CD226: variants seen among roughly 807,000 people sequenced by gnomAD.
CD226 encodes the protein CD226 antigen.
CD226 carries 24 observed loss-of-function variants against 34.9 expected under a neutral mutation model. That is an observed-to-expected ratio of 0.69 (90% CI 0.50 to 0.97). CD226 has a LOEUF of 0.97. Among genes scored for constraint, CD226 ranks in the 50% least tolerant of loss-of-function variants. CD226 has a pLI of 0.00. For synonymous variants in CD226, 148 were observed against 147.4 expected, an observed-to-expected ratio of 1.00 and a Z score of -0.03; for missense variants, 397 against 412.7, an observed-to-expected ratio of 0.96 and a Z score of 0.33.
At chr18:69,897,131 A>G (rs1325419747) in intron 2 of CD226, among the ~76,000 whole-genome samples, 3 of 152,302 alleles carry the variant, frequency 2.0e-5, no homozygotes, top group Admixed American at 1.3e-4. Context: ...TATACAGTAG[A>G]TATTTCCAGA....
intron 2 of CD226, among the ~76,000 whole-genome samples, chr18:69,940,940 C>G (rs1221868573): frequency 6.6e-6 from 1 of 152,162 alleles, no homozygotes. Flanking sequence ...AGCCTAAGAC[C>G]CCCTGCTCTA....
rs886616774 is a variant in CD226 at position 69,859,980 on chromosome 18, G to C, written c.*4334C>G. The C allele has an allele frequency of 1.3e-5, 2 of 152,226 alleles. No individual in the cohort carries two copies. The highest frequency in any genetic ancestry group is 4.8e-5 in the African/African-American group (2 of 41,448). 9.4% of individuals were successfully genotyped at this position (152,226 alleles called of 1,614,324 possible). A position where few individuals can be genotyped will look rare whatever the true frequency, so the allele number is the denominator to read the frequency against. ...CCAGCTATTCAGGAGGCTGAGGCAG[G>C]AGAATCACTTGAATCCGGGAGGCAG... On this transcript the variant is annotated 3_prime_UTR_variant, in exon 6 of 6. Coordinates refer to ENST00000582621, the MANE Select transcript of CD226 (RefSeq NM_001303618.2).
At chr18:69,906,326 A>G (rs1438638590) in intron 2 of CD226, among the ~76,000 whole-genome samples, 1 of 152,272 alleles carries the variant, frequency 6.6e-6, no homozygotes, top group East Asian at 1.9e-4. Flanking sequence ...GTTTTAAAAC[A>G]CACTGCTCAG....
In CD226 at chr18:69,946,851, TG is replaced by T; in HGVS notation, c.264del (p.Asn89IlefsTer3). 1 of 1,614,184 alleles carries T rather than the reference TG, an allele frequency of 6.2e-7. No individual in the cohort carries two copies. The highest frequency in any genetic ancestry group is 2.2e-5 in the East Asian group (1 of 44,888). On this transcript the variant is annotated frameshift_variant, in exon 2 of 6. Transcript: ENST00000582621. LOFTEE classifies it high-confidence loss of function. ...RVYFLNSTMA[S>X]NNMTLFFRNA... is the part of the protein sequence containing the mutation. ...TTCCGAAAGAAAAGAGTCATGTTAT[TG>T]GAAGCCATCGTTGAATTCAAAAAGT...
At chr18:69,886,705 CAA>C (rs34119278) in intron 3 of CD226, among the ~76,000 whole-genome samples, 1 of 142,488 alleles carries the variant, frequency 7.0e-6, no homozygotes. Flanking sequence ...GAACCTGTCT[CAA>C]AAAAAAAATA....
At chr18:69,893,145 T>C (rs781404958) in intron 3 of CD226, among the ~76,000 whole-genome samples, 10 of 152,232 alleles carry the variant, frequency 6.6e-5, no homozygotes, top group Non-Finnish European at 1.0e-4. Flanking sequence ...ATGGCTGTCA[T>C]CTTCTGTCAA....
chr18:69,928,552 T>C (rs970030015), intron 2 of CD226, among the ~76,000 whole-genome samples: 21 of 152,216 alleles, frequency 1.4e-4, no homozygotes, highest in African/African-American at 5.1e-4. Context: ...CAATGTTTCC[T>C]TAGCTGAAGA....
At chr18:69,871,013 C>T (rs1034978206) in intron 4 of CD226, among the ~76,000 whole-genome samples, 1 of 152,200 alleles carries the variant, frequency 6.6e-6, no homozygotes, top group Admixed American at 6.5e-5. Context: ...TCACATTTAA[C>T]CAAGTGGGAC....
At chr18:69,895,601 G>A (rs530121554) in intron 3 of CD226, 100 bp downstream of exon 3, 31 of 831,542 alleles carry the variant, frequency 3.7e-5, no homozygotes, top group Middle Eastern at 3.2e-4. Context: ...CTGAATATGC[G>A]CATTAAATGA....
intron 4 of CD226, among the ~76,000 whole-genome samples, chr18:69,869,790 CTTTTT>C (rs1322414203): frequency 2.2e-4 from 32 of 142,782 alleles, no homozygotes; most frequent in Non-Finnish European, 4.0e-4. Flanking sequence ...GAGAGATTTT[CTTTTT>C]TTTCTTTTTT....
chr18:69,895,419 CAT>C (rs1465783105), intron 3 of CD226, among the ~76,000 whole-genome samples: 2 of 152,042 alleles, frequency 1.3e-5, no homozygotes, highest in East Asian at 1.9e-4. Context: ...CTGGTAATAC[CAT>C]ATGTTTTTCA....
intron 2 of CD226, among the ~76,000 whole-genome samples, chr18:69,929,314 A>G (rs2055561652): frequency 6.6e-6 from 1 of 151,456 alleles, no homozygotes. Flanking sequence ...CCCTGGATCT[A>G]GTAACATCCC....
chr18:69,858,021 A>T lies in CD226; in HGVS notation c.*6293T>A, dbSNP rs1414312051. Reference sequence around the variant, plus strand: ...AAAATCAATAGATTTGAATAAAGTTAAAGTCTAGAAAAATATGCAATGTAT... The same window carrying T: ...AAAATCAATAGATTTGAATAAAGTTTAAGTCTAGAAAAATATGCAATGTAT... On this transcript the variant is annotated 3_prime_UTR_variant, in exon 6 of 6. Coordinates refer to ENST00000582621, the MANE Select transcript of CD226 (RefSeq NM_001303618.2). 1 of 152,234 alleles carries T rather than the reference A, an allele frequency of 6.6e-6. No individual in the cohort carries two copies. The highest frequency in any genetic ancestry group is 1.5e-5 in the Non-Finnish European group (1 of 68,038). 9.4% of individuals were successfully genotyped at this position (152,234 alleles called of 1,614,324 possible).
At chr18:69,913,073 C>A (rs906906086) in intron 2 of CD226, among the ~76,000 whole-genome samples, 8 of 152,192 alleles carry the variant, frequency 5.3e-5, no homozygotes, top group Non-Finnish European at 8.8e-5. Context: ...AAGATCACTT[C>A]TGATGGGCAG....
intron 2 of CD226, among the ~76,000 whole-genome samples, chr18:69,915,692 C>T (rs944364931): frequency 2.6e-5 from 4 of 152,096 alleles, no homozygotes; most frequent in African/African-American, 9.7e-5. Flanking sequence ...CTTCCATTTC[C>T]CCTGCATAGT....
rs1026482336 is a variant in CD226 at position 69,853,560 on chromosome 18, A to T, written c.*10754T>A. 1 of 152,230 alleles carries T rather than the reference A, an allele frequency of 6.6e-6. No individual in the cohort carries two copies. The highest frequency in any genetic ancestry group is 1.5e-5 in the Non-Finnish European group (1 of 68,042). 9.4% of individuals were successfully genotyped at this position (152,230 alleles called of 1,614,324 possible). ...ACCTTAAAATGAATTAATATTGAAC[A>T]CATATGATGAGTGAAACACCACCAT... On this transcript the variant is annotated 3_prime_UTR_variant, in exon 6 of 6. Transcript: ENST00000582621.
At chr18:69,937,330 G>C (rs2055667244) in intron 2 of CD226, among the ~76,000 whole-genome samples, 1 of 152,102 alleles carries the variant, frequency 6.6e-6, no homozygotes, top group African/African-American at 2.4e-5. Context: ...CTAGAAAATA[G>C]CTGTCTATTT....
intron 3 of CD226, among the ~76,000 whole-genome samples, chr18:69,885,654 C>T (rs895128846): frequency 9.2e-5 from 14 of 152,108 alleles, no homozygotes; most frequent in Admixed American, 3.9e-4. Flanking sequence ...GTCTCCTTTG[C>T]GCAGAGGCTA....
chr18:69,874,067 C>T (rs1983715014), intron 3 of CD226, among the ~76,000 whole-genome samples: 1 of 151,866 alleles, frequency 6.6e-6, no homozygotes, highest in African/African-American at 2.4e-5. Flanking sequence ...TGAAAGTTTA[C>T]CATGGTCCAG....
Sources: allele counts gnomAD v4.1 joint callset (sites outside exome capture counted in the v4.1 genomes callset), GRCh38; gene constraint gnomAD v4.1.1; transcripts MANE v1.5; gene names NCBI Gene and HGNC (gene_info 2026-07-23, HGNC 2026-07-21).